Variants in TWIST2 observed in about 807,000 individuals in gnomAD.
The protein encoded by TWIST2 is twist family bHLH transcription factor 2.
TWIST2 carries 1 observed loss-of-function variant against 11.6 expected under a neutral mutation model. The ratio of observed to expected loss-of-function variants is 0.09; its 90% confidence interval spans 0.03 to 0.41. The LOEUF is 0.41. Ranked by LOEUF, TWIST2 falls within the 10% of genes least tolerant of loss-of-function variation. The pLI, the probability that TWIST2 is intolerant of heterozygous loss-of-function variation, is 0.98. For missense variants in TWIST2, 168 were observed against 226.4 expected (o/e 0.74, Z 1.66); for synonymous variants, 87 against 96.6 (o/e 0.90, Z 0.58).
chr2:238,890,435 G>A (rs1008669125), intron 1 of TWIST2, among the ~76,000 whole-genome samples: 3 of 152,178 alleles, frequency 2.0e-5, no homozygotes, highest in Admixed American at 6.5e-5. Context: ...CACAAGCCTT[G>A]TAAAAAAGAG....
At chr2:238,887,112 C>G (rs1032811700) in intron 1 of TWIST2, 1 of 152,234 alleles carries the variant, frequency 6.6e-6, no homozygotes, top group South Asian at 2.1e-4. Flanking sequence ...CCCAGTGGAG[C>G]ATGCACACCA....
intron 1 of TWIST2, among the ~76,000 whole-genome samples, chr2:238,854,532 G>T (rs543215162): frequency 6.4e-4 from 98 of 152,356 alleles, no homozygotes; most frequent in African/African-American, 2.2e-3. Context: ...CCCCCAGGAG[G>T]GGTTAGGGCA....
chr2:238,884,764 C>T (rs1693001304), intron 1 of TWIST2, among the ~76,000 whole-genome samples: 1 of 152,212 alleles, frequency 6.6e-6, no homozygotes, highest in South Asian at 2.1e-4. Flanking sequence ...CGCAGGCCTC[C>T]CGCAGGTCAG....
intron 1 of TWIST2, among the ~76,000 whole-genome samples, chr2:238,888,757 C>T (rs961227071): frequency 1.2e-4 from 18 of 152,142 alleles, no homozygotes; most frequent in African/African-American, 4.1e-4. Context: ...TGTTCAGGAT[C>T]CCTAGATCTT....
rs1056673095 is a variant in TWIST2 at position 238,894,690 on chromosome 2, C to T, written c.*36-15152C>T. Among the ~76,000 whole-genome samples, 44 of 152,268 alleles carry T rather than the reference C, an allele frequency of 2.9e-4. No homozygotes were observed. The East Asian group carries it at 8.5e-3, about 29-fold the overall frequency. The stretch of plus-strand genomic sequence containing the variant: ...CTTTACCCCCAGATCCCTCTCCCCA[C>T]CTTCCTGGCTGTGCCTCCCATCTCT... On this transcript the variant is annotated intron_variant, in intron 1 of 1. Transcript: ENST00000612363.
At chr2:238,870,157 C>CAA (rs1559273489) in intron 1 of TWIST2, among the ~76,000 whole-genome samples, 1 of 51,810 alleles carries the variant, frequency 1.9e-5, no homozygotes, top group Non-Finnish European at 4.1e-5. Context: ...CACACCACAC[C>CAA]CCACACACAC....
At chr2:238,870,365 A>C (rs948280828) in intron 1 of TWIST2, among the ~76,000 whole-genome samples, 7 of 236 alleles carry the variant, frequency 0.03, no homozygotes, top group South Asian at 0.2. Context: ...CCACACACAC[A>C]CCACACACCC....
At chr2:238,858,096 C>A (rs1447274959) in intron 1 of TWIST2, among the ~76,000 whole-genome samples, 3 of 152,126 alleles carry the variant, frequency 2.0e-5, no homozygotes, top group Non-Finnish European at 4.4e-5. Context: ...CTGAAAGTTG[C>A]AAATATTGTT....
intron 1 of TWIST2, among the ~76,000 whole-genome samples, chr2:238,849,471 G>T (rs897956275): frequency 1.3e-5 from 2 of 152,196 alleles, no homozygotes; most frequent in Non-Finnish European, 2.9e-5. Context: ...ACGCAGCCGC[G>T]CGGAGCCCCA....
intron 1 of TWIST2, among the ~76,000 whole-genome samples, chr2:238,881,355 A>G (rs114076911): frequency 0.018 from 2,653 of 149,996 alleles, 65 homozygotes; most frequent in African/African-American, 0.062. Context: ...CAGTGTTAGT[A>G]TTAGTGTTAG....
intron 1 of TWIST2, among the ~76,000 whole-genome samples, chr2:238,858,677 G>A (rs1692372990): frequency 6.6e-6 from 1 of 152,112 alleles, no homozygotes; most frequent in African/African-American, 2.4e-5. Context: ...GTAAAATAAT[G>A]GACTAAGTTT....
chr2:238,856,420 T>A (rs1257307559), intron 1 of TWIST2, among the ~76,000 whole-genome samples: 3 of 152,190 alleles, frequency 2.0e-5, no homozygotes, highest in Admixed American at 1.3e-4. Context: ...TTTACTACAG[T>A]TCACAAGTGA....
intron 1 of TWIST2, among the ~76,000 whole-genome samples, chr2:238,905,306 C>A (rs899373234): frequency 6.6e-6 from 1 of 152,076 alleles, no homozygotes; most frequent in East Asian, 1.9e-4. Flanking sequence ...CTGGGCCAGG[C>A]AGGCAGATAC....
chr2:238,901,552 C>T (rs1693268917), intron 1 of TWIST2, among the ~76,000 whole-genome samples: 1 of 152,168 alleles, frequency 6.6e-6, no homozygotes, highest in Non-Finnish European at 1.5e-5. Context: ...CCCTGAGTGG[C>T]CCTCGGGTCC....
In TWIST2 at chr2:238,848,148, C is replaced by G; in HGVS notation, c.-68C>G. On this transcript the variant is annotated 5_prime_UTR_variant, in exon 1 of 2. Coordinates refer to ENST00000612363, the MANE Select transcript of TWIST2 (RefSeq NM_001271893.4). ...TCCGAGAGCGTGTGCTCGGCGACCG[C>G]GGGCTTGGCCAGCGGCGCGCGCTCG... 8.7e-7 allele frequency: 1 copy of G among 1,155,050 alleles called. No homozygotes were observed. The highest frequency in any genetic ancestry group is 1.1e-6 in the Non-Finnish European group (1 of 937,658). 71.6% of individuals were successfully genotyped at this position (1,155,050 alleles called of 1,614,324 possible). A position where few individuals can be genotyped will look rare whatever the true frequency, so the allele number is the denominator to read the frequency against.
At chr2:238,906,657 G>C (rs1398361933) in intron 1 of TWIST2, among the ~76,000 whole-genome samples, 5 of 151,702 alleles carry the variant, frequency 3.3e-5, no homozygotes, top group Admixed American at 6.6e-5. Flanking sequence ...CACACTCACA[G>C]ACACACACAC....
intron 1 of TWIST2, among the ~76,000 whole-genome samples, chr2:238,902,745 G>GGT (rs1368240066): frequency 0.46 from 49,114 of 107,712 alleles, 12,904 homozygotes; most frequent in African/African-American, 0.56. Flanking sequence ...GTGTGTGATG[G>GGT]GTGTGATGGG....
rs1017600920 is a variant in TWIST2, at chr2:238,864,180, G to A, written c.*35+15447G>A. On this transcript the variant is annotated intron_variant, in intron 1 of 1. Transcript: ENST00000612363. The surrounding 1 kb of genome is among the most constrained non-coding windows in gnomAD (Gnocchi z 4.7). ...ATATTTGTAAGTTTCCATCAGCATG[G>A]GGGGAAGGGGCTGGAGGTGAGGGGG... Among the ~76,000 whole-genome samples the A allele has an allele frequency of 6.6e-6, 1 of 152,080 alleles. No individual in the cohort carries two copies. The highest frequency in any genetic ancestry group is 2.4e-5 in the African/African-American group (1 of 41,370).
chr2:238,851,525 T>C (rs1335395842), intron 1 of TWIST2, among the ~76,000 whole-genome samples: 1 of 152,202 alleles, frequency 6.6e-6, no homozygotes, highest in Non-Finnish European at 1.5e-5. Context: ...CTTCTCTAAC[T>C]TCTGCATAGT....
Sources: gnomAD v4.1 joint callset for allele counts (sites outside exome capture counted in the v4.1 genomes callset) on GRCh38, gnomAD v4.1.1 for gene constraint, Gnocchi (gnomAD v3.1) non-coding constraint, MANE v1.5 for transcripts, NCBI Gene and HGNC (gene_info 2026-07-23, HGNC 2026-07-21) for gene names.